The following ABLIM1 variants were observed in gnomAD, a reference collection of about 807,000 sequenced individuals.
ABLIM1 encodes actin binding LIM protein 1.
In ABLIM1, 40 loss-of-function variants were observed where a neutral mutation model predicts 107.0. The observed-to-expected ratio is 0.37, with a 90% confidence interval of 0.29 to 0.49. The LOEUF (loss-of-function observed/expected upper bound fraction) is 0.49. ABLIM1 is among the 20% of genes least tolerant of loss of function. ABLIM1 has a pLI of 0.97. For synonymous variants in ABLIM1, 357 were observed against 357.3 expected, an observed-to-expected ratio of 1.00 and a Z score of 0.01; for missense variants, 857 against 1,008.5, an observed-to-expected ratio of 0.85 and a Z score of 2.04.
At chr10:114,710,654 C>T (rs1486548642) in intron 1 of ABLIM1, among the ~76,000 whole-genome samples, 1 of 152,168 alleles carries the variant, frequency 6.6e-6, no homozygotes, top group African/African-American at 2.4e-5. Flanking sequence ...TAGTGGCTTG[C>T]ACTTGTAGTC....
Position 114,764,159 on chromosome 10 carries a change from G to A in ABLIM1, c.-213+3902C>T, listed in dbSNP as rs375332504. On this transcript the variant is annotated intron_variant, in intron 1 of 15. Coordinates refer to the ABLIM1 transcript ENST00000651092. ...TCAAAAATCAAAATATAATGGATCC[G>A]TTTTGGTCTCTAGTGGAAAAATACA... 1.4e-4 allele frequency among the ~76,000 whole-genome samples: 22 copies of A among 152,212 alleles called. No homozygotes were observed. In the East Asian group the frequency reaches 3.5e-3, roughly 24 times the overall value.
At chr10:114,568,196 C>CAAAAAAAAA (rs34861242) in intron 4 of ABLIM1, among the ~76,000 whole-genome samples, 1 of 52,382 alleles carries the variant, frequency 1.9e-5, no homozygotes, top group African/African-American at 7.2e-5. Flanking sequence ...GACTCCGTCT[C>CAAAAAAAAA]AAAAAAAAAA....
chr10:114,659,284 G>A (rs558724118), upstream of ABLIM1, among the ~76,000 whole-genome samples: 14 of 152,016 alleles, frequency 9.2e-5, no homozygotes, highest in South Asian at 2.9e-3. Context: ...TGAGGTGGGA[G>A]GATTGCTTGA....
chr10:114,706,443 G>T (rs79312688), intron 1 of ABLIM1, among the ~76,000 whole-genome samples: 1 of 152,136 alleles, frequency 6.6e-6, no homozygotes, highest in Non-Finnish European at 1.5e-5. Flanking sequence ...ACAAATGTCT[G>T]CTGGCAATGA....
At chr10:114,486,632 C>T (rs926556389) in intron 8 of ABLIM1, among the ~76,000 whole-genome samples, 2 of 152,148 alleles carry the variant, frequency 1.3e-5, no homozygotes, top group East Asian at 1.9e-4. Flanking sequence ...AAAAACAGAG[C>T]GCAAAACCAC....
At chr10:114,472,154 C>CTT (rs2066709876) in intron 10 of ABLIM1, among the ~76,000 whole-genome samples, 1 of 152,180 alleles carries the variant, frequency 6.6e-6, no homozygotes, top group South Asian at 2.1e-4. Flanking sequence ...CTGATAATTG[C>CTT]TTTACATAGA....
At chr10:114,585,598 CT>C (rs759453414) in intron 2 of ABLIM1, among the ~76,000 whole-genome samples, 9 of 152,122 alleles carry the variant, frequency 5.9e-5, no homozygotes, top group Non-Finnish European at 1.2e-4. Context: ...TTGCCAAATG[CT>C]TTGATCTTGC....
upstream of ABLIM1, among the ~76,000 whole-genome samples, chr10:114,689,753 A>G (rs566475701): frequency 5.2e-4 from 79 of 151,998 alleles, no homozygotes; most frequent in African/African-American, 1.8e-3. Context: ...TTTCAAAAAA[A>G]GATTCGAGAT....
intron 6 of ABLIM1, among the ~76,000 whole-genome samples, chr10:114,493,759 A>G (rs1015548639): frequency 1.3e-5 from 2 of 152,242 alleles, no homozygotes; most frequent in Non-Finnish European, 2.9e-5. Flanking sequence ...GATGAACATA[A>G]AAGACCTAAA....
At chr10:114,589,218 T>TGTG (rs201039409) in intron 2 of ABLIM1, among the ~76,000 whole-genome samples, 1 of 132,676 alleles carries the variant, frequency 7.5e-6, no homozygotes, top group African/African-American at 2.9e-5. Context: ...TGTGTGTGTG[T>TGTG]TTTTTTTTTT....
intron 1 of ABLIM1, among the ~76,000 whole-genome samples, chr10:114,743,720 G>A (rs1027345931): frequency 2.6e-5 from 4 of 152,180 alleles, no homozygotes; most frequent in Admixed American, 6.6e-5. Context: ...CTGGCTGAGC[G>A]AGACTGTCAG....
intron 1 of ABLIM1, among the ~76,000 whole-genome samples, chr10:114,604,222 G>A (rs960471536): frequency 1.3e-4 from 20 of 152,188 alleles, no homozygotes; most frequent in African/African-American, 4.6e-4. Context: ...TGCCCAAGAA[G>A]CAGAGGAAGC....
intron 1 of ABLIM1, chr10:114,632,317 C>T (rs780709364): frequency 1.0e-4 from 100 of 985,314 alleles, no homozygotes; most frequent in Non-Finnish European, 1.1e-4. Context: ...CGCTGGCCCC[C>T]TCCCACAGTC....
chr10:114,678,454 T>G (rs1422308755), intron 1 of ABLIM1, among the ~76,000 whole-genome samples: 1 of 152,216 alleles, frequency 6.6e-6, no homozygotes, highest in African/African-American at 2.4e-5. Flanking sequence ...AGCTGACTCT[T>G]TCTTATTTCT....
At chr10:114,557,573 C>T (rs577505975) in intron 4 of ABLIM1, among the ~76,000 whole-genome samples, 5 of 150,574 alleles carry the variant, frequency 3.3e-5, no homozygotes, top group Non-Finnish European at 3.0e-5. Flanking sequence ...GGCCATTGCA[C>T]ATTTTGAATT....
intron 1 of ABLIM1, among the ~76,000 whole-genome samples, chr10:114,635,473 G>A (rs1381239576): frequency 6.6e-6 from 1 of 152,216 alleles, no homozygotes; most frequent in Admixed American, 6.5e-5. Context: ...TCCCTCCGTG[G>A]GACTGGAACA....
At chr10:114,574,823 G>T (rs1029516141) in intron 3 of ABLIM1, among the ~76,000 whole-genome samples, 2 of 152,118 alleles carry the variant, frequency 1.3e-5, no homozygotes, top group East Asian at 3.8e-4. Context: ...AACAGGGTTG[G>T]CAAATATTTC....
At chr10:114,513,739 A>G (rs2062302663) in intron 6 of ABLIM1, among the ~76,000 whole-genome samples, 1 of 152,236 alleles carries the variant, frequency 6.6e-6, no homozygotes, top group African/African-American at 2.4e-5. Context: ...TGTCTAGCAC[A>G]GAGCTAGTAG....
chr10:114,572,809 C>T (rs551501462), intron 3 of ABLIM1, among the ~76,000 whole-genome samples: 48 of 152,344 alleles, frequency 3.2e-4, no homozygotes, highest in African/African-American at 1.0e-3. Flanking sequence ...CAACACAACA[C>T]GCACAGGTTC....
Sources: gnomAD v4.1 joint callset for allele counts (sites outside exome capture counted in the v4.1 genomes callset) on GRCh38, gnomAD v4.1.1 for gene constraint, MANE v1.5 for transcripts, NCBI Gene and HGNC (gene_info 2026-07-23, HGNC 2026-07-21) for gene names.